The following RALGPS2 variants were observed in gnomAD, a reference collection of about 807,000 sequenced individuals.
RALGPS2 encodes the protein Ral GEF with PH domain and SH3 binding motif 2, also known as ras-specific guanine nucleotide-releasing factor RalGPS2.
In RALGPS2, 43 loss-of-function variants were observed where a neutral mutation model predicts 86.8. The ratio of observed to expected loss-of-function variants is 0.50; its 90% CI spans 0.39 to 0.64. RALGPS2 has a LOEUF of 0.64. Among genes scored for constraint, RALGPS2 ranks in the 30% least tolerant of loss-of-function variants. The pLI, the probability that RALGPS2 is intolerant of heterozygous loss-of-function variation, is 0.00. For missense variants in RALGPS2, 536 were observed against 694.6 expected (o/e 0.77, Z 2.57); for synonymous variants, 243 against 231.3 (o/e 1.05, Z -0.46).
At chr1:178,726,451 ATTTG>A (rs1162000739) in intron 1 of RALGPS2, among the ~76,000 whole-genome samples, 7 of 151,770 alleles carry the variant, frequency 4.6e-5, no homozygotes, top group Non-Finnish European at 1.0e-4. Context: ...ACAAATGTTA[ATTTG>A]TTTGAGTTGG....
chr1:178,795,279 A>AG (rs1654136935), intron 4 of RALGPS2, among the ~76,000 whole-genome samples: 1 of 152,188 alleles, frequency 6.6e-6, no homozygotes, highest in Non-Finnish European at 1.5e-5. Flanking sequence ...ACAGATATTA[A>AG]ATTCAAAAAA....
intron 1 of RALGPS2, among the ~76,000 whole-genome samples, chr1:178,770,226 C>T (rs1177075751): frequency 2.6e-5 from 4 of 151,954 alleles, no homozygotes; most frequent in Non-Finnish European, 5.9e-5. Context: ...ACCATGTCAC[C>T]CAGGCTGGTC....
At chr1:178,840,172 C>G (rs532259182) in intron 8 of RALGPS2, among the ~76,000 whole-genome samples, 1 of 152,332 alleles carries the variant, frequency 6.6e-6, no homozygotes, top group Non-Finnish European at 1.5e-5. Flanking sequence ...CTACAGAACT[C>G]TCCACCCCAA....
rs146384800 is a variant in RALGPS2, at chr1:178,742,552, A to G, written c.-84+17133A>G. Among the ~76,000 whole-genome samples the G allele has an allele frequency of 6.2e-3, 937 of 152,330 alleles. 10 individuals are homozygous for G. Among genetic ancestry groups the G allele is most frequent in the African/African-American group, 0.022 (894 of 41,564 alleles). ...TCTCAGTAAATGATAGAACAAGCAG[A>G]CAGAAAATCATAGGGATATATAGTA... On this transcript the variant is annotated intron_variant, in intron 1 of 19. Transcript: ENST00000367635.
At chr1:178,872,812 T>C (rs1475768553) in intron 8 of RALGPS2, among the ~76,000 whole-genome samples, 1 of 152,200 alleles carries the variant, frequency 6.6e-6, no homozygotes, top group African/African-American at 2.4e-5. Context: ...GACAGGTATT[T>C]AGGGACAGAT....
intron 1 of RALGPS2, among the ~76,000 whole-genome samples, chr1:178,727,227 C>T (rs1045482791): frequency 6.6e-6 from 1 of 151,234 alleles, no homozygotes; most frequent in East Asian, 1.9e-4. Flanking sequence ...CCATTATATT[C>T]CACTTTTTTT....
chr1:178,852,836 CTTT>C, intron 8 of RALGPS2: 1 of 1,613,908 alleles, frequency 6.2e-7, no homozygotes, highest in East Asian at 2.2e-5. Flanking sequence ...TCTGCATAGA[CTTT>C]TTTATCACTC....
At chr1:178,891,563 C>T (rs1659710486) in intron 14 of RALGPS2, among the ~76,000 whole-genome samples, 1 of 151,824 alleles carries the variant, frequency 6.6e-6, no homozygotes, top group South Asian at 2.1e-4. Context: ...TCGGGTTTTC[C>T]TAGGCAAAGA....
chr1:178,776,545 G>A (rs906150208), intron 1 of RALGPS2, 137 bp from the exon 2 acceptor site: 1 of 379,754 alleles, frequency 2.6e-6, no homozygotes, highest in Non-Finnish European at 4.7e-6. Flanking sequence ...CCTCAGTTTG[G>A]ATTTAGCGAC....
intron 8 of RALGPS2, among the ~76,000 whole-genome samples, chr1:178,848,715 T>C (rs1656992291): frequency 6.6e-6 from 1 of 152,132 alleles, no homozygotes; most frequent in Non-Finnish European, 1.5e-5. Flanking sequence ...TGCAGTGGCA[T>C]AATCTCGGCC....
chr1:178,865,541 A>G (rs1348181502), intron 8 of RALGPS2: 2 of 1,613,970 alleles, frequency 1.2e-6, no homozygotes, highest in East Asian at 2.2e-5. Context: ...CCTGGTGATC[A>G]TGTCTTTAAT....
chr1:178,883,266 C>A (rs1659338144), intron 10 of RALGPS2, among the ~76,000 whole-genome samples, 200 bp from the exon 11 acceptor site: 1 of 152,086 alleles, frequency 6.6e-6, no homozygotes, highest in Non-Finnish European at 1.5e-5. Flanking sequence ...ATGGAAGGAT[C>A]GCTTGAGCCC....
chr1:178,901,293 T>A (rs1660166308), intron 17 of RALGPS2, among the ~76,000 whole-genome samples: 1 of 152,056 alleles, frequency 6.6e-6, no homozygotes, highest in Admixed American at 6.6e-5. Context: ...ATCCACTTCT[T>A]CCCTGTCAAC....
chr1:178,728,979 A>G (rs986201725), intron 1 of RALGPS2, among the ~76,000 whole-genome samples: 3 of 152,236 alleles, frequency 2.0e-5, no homozygotes, highest in South Asian at 2.1e-4. Flanking sequence ...ATACAGTTAT[A>G]TGGATATAGC....
At chr1:178,842,693 A>G (rs1656650008) in intron 8 of RALGPS2, among the ~76,000 whole-genome samples, 1 of 146,996 alleles carries the variant, frequency 6.8e-6, no homozygotes, top group Admixed American at 6.8e-5. Context: ...AGCAAAAGAA[A>G]CTACCATCAG....
chr1:178,756,794 A>G (rs1222137185), intron 1 of RALGPS2, among the ~76,000 whole-genome samples: 2 of 151,990 alleles, frequency 1.3e-5, no homozygotes, highest in African/African-American at 2.4e-5. Flanking sequence ...ACCACAGGCT[A>G]TTTGGCCTAT....
intron 6 of RALGPS2, among the ~76,000 whole-genome samples, chr1:178,819,158 T>G (rs1404246097): frequency 2.0e-5 from 3 of 151,896 alleles, no homozygotes; most frequent in African/African-American, 4.8e-5. Flanking sequence ...ACCTGGTTAA[T>G]TTCTGTGTTT....
At chr1:178,864,664 G>A (rs1658259364) in intron 8 of RALGPS2, among the ~76,000 whole-genome samples, 1 of 152,142 alleles carries the variant, frequency 6.6e-6, no homozygotes, top group Non-Finnish European at 1.5e-5. Context: ...TCGGAGTGGA[G>A]CATGTACTTA....
intron 1 of RALGPS2, among the ~76,000 whole-genome samples, chr1:178,735,134 C>G (rs1283279335): frequency 6.6e-6 from 1 of 152,070 alleles, no homozygotes; most frequent in Non-Finnish European, 1.5e-5. Flanking sequence ...TGTGGTATAG[C>G]CTTATAGTAT....
Sources: gnomAD v4.1 joint callset for allele counts (sites outside exome capture counted in the v4.1 genomes callset) on GRCh38, gnomAD v4.1.1 for gene constraint, MANE v1.5 for transcripts, NCBI Gene and HGNC (gene_info 2026-07-23, HGNC 2026-07-21) for gene names.